Variants in ABCA5 observed in about 807,000 individuals in gnomAD.
ABCA5 encodes the protein ATP binding cassette subfamily A member 5.
A neutral mutation model predicts 206.0 loss-of-function variants in ABCA5; 163 were observed. The observed-to-expected ratio is 0.79, with a 90% CI of 0.70 to 0.90. ABCA5 has a LOEUF of 0.90. Ranked by LOEUF, ABCA5 falls within the 40% of genes least tolerant of loss-of-function variation. The pLI, the probability that ABCA5 is intolerant of heterozygous loss-of-function variation, is 0.00. For synonymous variants in ABCA5, 609 were observed against 613.8 expected, an observed-to-expected ratio of 0.99 and a Z score of 0.11; for missense variants, 1,859 against 1,912.9, an observed-to-expected ratio of 0.97 and a Z score of 0.53.
chr17:69,294,548 A>C (rs2075565533), intron 11 of ABCA5, 107 bp downstream of exon 11: 4 of 1,014,470 alleles, frequency 3.9e-6, no homozygotes, highest in Admixed American at 4.6e-5. Context: ...AATAAAAGCA[A>C]GACAGAAAAT....
intron 24 of ABCA5, among the ~76,000 whole-genome samples, chr17:69,264,456 G>T (rs2075185532): frequency 6.6e-6 from 1 of 152,088 alleles, no homozygotes; most frequent in Non-Finnish European, 1.5e-5. Context: ...TTTTAAGGAA[G>T]GAATATATTA....
intron 5 of ABCA5, among the ~76,000 whole-genome samples, chr17:69,307,254 C>A (rs994092159): frequency 6.6e-6 from 1 of 151,860 alleles, no homozygotes; most frequent in African/African-American, 2.4e-5. Context: ...CTTAAGCAGA[C>A]AATTATATGT....
intron 1 of ABCA5, among the ~76,000 whole-genome samples, chr17:69,322,296 G>C (rs927859368): frequency 6.7e-6 from 1 of 149,110 alleles, no homozygotes; most frequent in African/African-American, 2.5e-5. Flanking sequence ...CTCGAACCCG[G>C]GAGGTGAAAG....
rs202125416 is a variant in ABCA5, at chr17:69,251,763, C to T, written c.4519G>A (p.Val1507Met). 2.5e-6 allele frequency: 4 copies of T among 1,614,006 alleles called. No individual in the cohort carries two copies. The African/African-American group carries it at 5.3e-5, about 22-fold the overall frequency. Residue 1507 changes from valine to methionine, a missense_variant, in exon 35 of 39, where the codon GTG (valine) becomes ATG (methionine). By Grantham distance (21) the Val-to-Met change is conservative. Coordinates refer to ENST00000392676, the MANE Select transcript of ABCA5 (RefSeq NM_172232.4). ...EAVCDRVAIMVSGQLRCIGTV... is the reference protein window; with the variant it reads ...EAVCDRVAIMMSGQLRCIGTV... ...GACATCAACCTTAACTGCCCAGACA[C>T]CATGATAGCTACTCGATCACAGACA...
chr17:69,289,094 A>G (rs2075495792), intron 14 of ABCA5, 83 bp downstream of exon 14: 1 of 1,330,386 alleles, frequency 7.5e-7, no homozygotes, highest in Admixed American at 2.6e-5. Flanking sequence ...ACCTTTACAT[A>G]ATGTATTATA....
rs373187811 is a variant in ABCA5, at chr17:69,254,391, T to C, written c.4168A>G (p.Thr1390Ala). 1.9e-6 allele frequency: 3 copies of C among 1,613,724 alleles called. No individual in the cohort carries two copies. Among genetic ancestry groups the C allele is most frequent in the African/African-American group, 1.3e-5 (1 of 74,910 alleles). The change falls in exon 32 of 39, where the codon ACA becomes GCA. Residue 1390 changes from threonine (T) to alanine (A), a missense_variant. Thr to Ala is a moderately conservative substitution (Grantham distance 58, BLOSUM62 0). Transcript: ENST00000392676. ...TAAATTTCAAAATGTTCCTGCAATG[T>C]AGTATCTGGCCACAAAGGGTTTATC... ...PQINPLWPDT[T>A]LQEHFEIYGA...
intron 1 of ABCA5, among the ~76,000 whole-genome samples, chr17:69,321,851 G>C: frequency 6.6e-6 from 1 of 151,914 alleles, no homozygotes; most frequent in East Asian, 1.9e-4. Flanking sequence ...TAATAATTAG[G>C]TGAGTTTTAA....
At chr17:69,292,110 AAAAC>A (rs1433883932) in intron 11 of ABCA5, among the ~76,000 whole-genome samples, 4 of 152,096 alleles carry the variant, frequency 2.6e-5, no homozygotes, top group East Asian at 1.9e-4. Context: ...CCCTGTCTCA[AAAAC>A]AAACAAACAA....
intron 37 of ABCA5, chr17:69,249,324 C>T (rs1271837169): frequency 6.6e-6 from 1 of 152,102 alleles, no homozygotes; most frequent in African/African-American, 2.4e-5. Context: ...AGGTGATCTC[C>T]CTCAACTGTC....
chr17:69,282,980 C>CTTTTTTTTT (rs1048269473), intron 18 of ABCA5, among the ~76,000 whole-genome samples: 1 of 112,980 alleles, frequency 8.9e-6, no homozygotes, highest in Non-Finnish European at 1.7e-5. Flanking sequence ...TGTTCTTTCC[C>CTTTTTTTTT]TTTTTTTTTT....
chr17:69,290,012 T>G lies in ABCA5; in HGVS notation c.1632A>C (p.Arg544Ser), dbSNP rs764757678. ...CAAACATTTCATCTATTTCTGAGAC[T>G]CTGTGTCCATATATAGATGCAAACC... ...SDGFASIYGH[R>S]VSEIDEMFEA... Residue 544 changes from arginine to serine, a missense_variant, in exon 13 of 39, where the codon AGA becomes AGC. Coordinates refer to ENST00000392676, the MANE Select transcript of ABCA5 (RefSeq NM_172232.4). 6.2e-7 allele frequency: 1 copy of G among 1,609,762 alleles called. No homozygotes were observed. The highest frequency in any genetic ancestry group is 1.1e-5 in the South Asian group (1 of 90,350).
intron 28 of ABCA5, among the ~76,000 whole-genome samples, chr17:69,258,668 A>G (rs750522544): frequency 2.0e-5 from 3 of 152,120 alleles, no homozygotes; most frequent in Non-Finnish European, 4.4e-5. Flanking sequence ...GCTAACAAAC[A>G]TGCACATTTA....
At chr17:69,289,356 A>G in intron 13 of ABCA5, 60 bp from the exon 14 acceptor site, 1 of 1,260,774 alleles carries the variant, frequency 7.9e-7, no homozygotes. Flanking sequence ...TATAATTATC[A>G]ATATTACTTT....
In ABCA5 at chr17:69,254,611, C is replaced by T. The variant is rs2075053820; in HGVS notation, c.4069-121G>A. ...CTAATATCAAGTCAGATTTGTACTC[C>T]TTTATTGTCATTATTATTATTATCA... On this transcript the variant is annotated intron_variant, in intron 31 of 38. Transcript: ENST00000392676. The T allele has an allele frequency of 2.8e-5, 17 of 615,102 alleles. No homozygotes were observed. The South Asian group carries it at 5.0e-4, about 18-fold the overall frequency. The allele number at this position is 615,102 out of a possible 1,614,324, so 38.1% of individuals were successfully genotyped here.
Position 69,247,298 on chromosome 17 carries a change from T to C in ABCA5, c.*239A>G, listed in dbSNP as rs946040660. 1.3e-5 allele frequency: 4 copies of C among 305,518 alleles called. No individual in the cohort carries two copies. Among genetic ancestry groups the C allele is most frequent in the African/African-American group, 2.2e-5 (1 of 45,974 alleles). The allele number at this position is 305,518 out of a possible 1,614,324, so 18.9% of individuals were successfully genotyped here. On this transcript the variant is annotated 3_prime_UTR_variant, in exon 39 of 39. Coordinates refer to ENST00000392676, the MANE Select transcript of ABCA5 (RefSeq NM_172232.4). ...TTTCTGAATGGTGAAAAAGATGACA[T>C]ACAAACTATATAGTTCAATATACTT... is the stretch of plus-strand genomic sequence containing the variant.
At chr17:69,274,755 T>C (rs1211771926) in intron 19 of ABCA5, among the ~76,000 whole-genome samples, 2 of 151,828 alleles carry the variant, frequency 1.3e-5, no homozygotes, top group Non-Finnish European at 1.5e-5. Context: ...TTATAACTGT[T>C]AAAACACAAG....
chr17:69,248,419 C>A (rs1568085553), intron 37 of ABCA5, 102 bp from the exon 38 acceptor site: 1 of 658,892 alleles, frequency 1.5e-6, no homozygotes, highest in Non-Finnish European at 2.6e-6. Context: ...CTGTAATCAA[C>A]CCACTTAAAT....
intron 18 of ABCA5, among the ~76,000 whole-genome samples, chr17:69,279,899 C>T (rs1189381659): frequency 6.6e-6 from 1 of 152,184 alleles, no homozygotes; most frequent in Non-Finnish European, 1.5e-5. Flanking sequence ...GGATTAAAGA[C>T]TTAAACGTTA....
rs1453684725 is a variant in ABCA5, at chr17:69,292,326, T to C, written c.1496-1000A>G. Among the ~76,000 whole-genome samples, 3 of 152,202 alleles carry C rather than the reference T, an allele frequency of 2.0e-5. No homozygotes were observed. The East Asian group carries it at 5.8e-4, about 29-fold the overall frequency. On this transcript the variant is annotated intron_variant, in intron 11 of 38. Transcript: ENST00000392676. ...AATGTTTTGGACTTATCAGGATATG[T>C]CTTTTACATTTTTGTCTTATTTACC...
Sources: allele counts gnomAD v4.1 joint callset (sites outside exome capture counted in the v4.1 genomes callset), GRCh38; gene constraint gnomAD v4.1.1; transcripts MANE v1.5; gene names NCBI Gene and HGNC (gene_info 2026-07-23, HGNC 2026-07-21).